The following URM1 variants were observed in gnomAD, a reference collection of about 807,000 sequenced individuals.
URM1 encodes the protein ubiquitin-related modifier 1.
A neutral mutation model predicts 17.7 loss-of-function variants in URM1; 11 were observed. That is an observed-to-expected ratio of 0.62 (90% CI 0.39 to 1.03). URM1 has a LOEUF of 1.03. Among genes scored for constraint, URM1 ranks in the 50% least tolerant of loss-of-function variants. The pLI, the probability that URM1 is intolerant of heterozygous loss-of-function variation, is 0.00. For missense variants in URM1, 128 were observed against 129.2 expected (o/e 0.99, Z 0.04); for synonymous variants, 48 against 50.6 (o/e 0.95, Z 0.22).
intron 2 of URM1, among the ~76,000 whole-genome samples, chr9:128,384,717 T>C (rs1833204247): frequency 6.6e-6 from 1 of 152,144 alleles, no homozygotes; most frequent in African/African-American, 2.4e-5. Flanking sequence ...GAGAGCTTTG[T>C]ATATATCGTC....
chr9:128,388,218 G>A, intron 3 of URM1: 1 of 1,167,218 alleles, frequency 8.6e-7, no homozygotes, highest in Non-Finnish European at 1.1e-6. Context: ...CACAGAAAGT[G>A]CTGAGGAAAA....
chr9:128,378,089 C>A lies in URM1; in HGVS notation c.89C>A (p.Pro30His), dbSNP rs749238318. ...ATTAAGAAACATCGAGTCACTTTGC[C>A]TGGACAGGAGGAACCCTGTGAGTAT... ...DGIKKHRVTL[P>H]GQEEPWDIRN... Residue 30 changes from proline (P) to histidine (H), a missense_variant, in exon 2 of 5, where the codon CCT becomes CAT. By Grantham distance (77) the Pro-to-His change is moderately conservative (BLOSUM62 -2). Transcript: ENST00000372853. The A allele has an allele frequency of 1.9e-6, 3 of 1,610,038 alleles. No homozygotes were observed. The African/African-American group carries it at 4.0e-5, about 22-fold the overall frequency.
At chr9:128,381,336 G>T (rs1833157273) in intron 2 of URM1, among the ~76,000 whole-genome samples, 2 of 152,184 alleles carry the variant, frequency 1.3e-5, no homozygotes, top group Admixed American at 1.3e-4. Context: ...TTAGTAACTG[G>T]CATGAGGAGA....
intron 2 of URM1, among the ~76,000 whole-genome samples, chr9:128,384,906 C>T (rs981982323): frequency 6.6e-6 from 1 of 152,160 alleles, no homozygotes; most frequent in Non-Finnish European, 1.5e-5. Flanking sequence ...TTCCTCCCTC[C>T]TTCCCTCCCT....
chr9:128,372,503 G>A (rs1833026358), intron 1 of URM1, among the ~76,000 whole-genome samples: 1 of 152,162 alleles, frequency 6.6e-6, no homozygotes, highest in African/African-American at 2.4e-5. Flanking sequence ...CAGACACTGA[G>A]GATACAAAGA....
intron 2 of URM1, among the ~76,000 whole-genome samples, chr9:128,385,920 G>A (rs1771217493): frequency 6.6e-6 from 1 of 152,172 alleles, no homozygotes; most frequent in African/African-American, 2.4e-5. Flanking sequence ...GCAAATAGGA[G>A]CATCATGATA....
At chr9:128,380,709 C>T (rs977271298) in intron 2 of URM1, among the ~76,000 whole-genome samples, 2 of 150,616 alleles carry the variant, frequency 1.3e-5, no homozygotes, top group South Asian at 2.1e-4. Flanking sequence ...AGTCTCAGCG[C>T]GCTGCAACCC....
chr9:128,389,796 G>A lies in URM1; in HGVS notation c.*62G>A. The A allele has an allele frequency of 6.2e-7, 1 of 1,606,322 alleles. No individual in the cohort carries two copies. Among genetic ancestry groups the A allele is most frequent in the South Asian group, 1.1e-5 (1 of 90,406 alleles). Reference sequence around the variant, plus strand: ...GAACGAAGCAATCAGACATCCCCTTGGGCCCTGCTTCCAGGTCTCCCTGTC... The same window carrying A: ...GAACGAAGCAATCAGACATCCCCTTAGGCCCTGCTTCCAGGTCTCCCTGTC... On this transcript the variant is annotated 3_prime_UTR_variant, in exon 5 of 5. Coordinates refer to ENST00000372853, the MANE Select transcript of URM1 (RefSeq NM_030914.4).
intron 2 of URM1, among the ~76,000 whole-genome samples, chr9:128,380,191 T>C (rs1301472547): frequency 6.6e-6 from 1 of 152,204 alleles, no homozygotes; most frequent in Admixed American, 6.5e-5. Flanking sequence ...GGCAGGATTC[T>C]TCTGGAACTG....
intron 4 of URM1, 88 bp downstream of exon 4, chr9:128,389,397 G>C (rs764009253): frequency 6.2e-7 from 1 of 1,612,326 alleles, no homozygotes; most frequent in Non-Finnish European, 8.5e-7. Flanking sequence ...GGCACATATA[G>C]AGTGGCTGGG....
chr9:128,386,144 CCTT>C (rs1255824082), intron 2 of URM1, among the ~76,000 whole-genome samples: 1 of 152,210 alleles, frequency 6.6e-6, no homozygotes, highest in African/African-American at 2.4e-5. Context: ...ACTGCCCAGA[CCTT>C]CTCGCCGCCT....
At position 128,389,288 on chromosome 9, in the gene URM1, C is replaced by T. The variant is rs754564470; in HGVS notation, c.216C>T (p.Asn72=). The change falls in exon 4 of 5, where the codon AAC becomes AAT. Residue 72 remains asparagine (N), a synonymous_variant. Transcript: ENST00000372853. Reference sequence around the variant, plus strand: ...GGCCAGGAATTCTGGTGCTGATTAACGATGCCGACTGGGAGCTACTGGTCA... The same window carrying T: ...GGCCAGGAATTCTGGTGCTGATTAATGATGCCGACTGGGAGCTACTGGTCA... ...SVRPGILVLI[N]DADWELLGEL... 1.2e-4 allele frequency: 198 copies of T among 1,607,604 alleles called. 1 individual carries two copies. The highest frequency in any genetic ancestry group is 1.6e-4 in the Non-Finnish European group (186 of 1,175,812).
Position 128,387,776 on chromosome 9 carries a change from T to C in URM1, c.107-40T>C, listed in dbSNP as rs762320875. The C allele has an allele frequency of 1.7e-5, 28 of 1,613,314 alleles. No homozygotes were observed. Among genetic ancestry groups the C allele is most frequent in the Non-Finnish European group, 2.3e-5 (27 of 1,179,394 alleles). On this transcript the variant is annotated intron_variant, in intron 2 of 4. Transcript: ENST00000372853. The surrounding 1 kb of genome is among the most constrained non-coding windows in gnomAD (Gnocchi z 4.3). ...GGCTCTGGGGGTGGGCAGGTGCTATTTGGGTTTGACAAGAGTTTGTTCTGT... is the reference window on the plus strand; with the variant it reads ...GGCTCTGGGGGTGGGCAGGTGCTATCTGGGTTTGACAAGAGTTTGTTCTGT...
chr9:128,376,055 G>T (rs2131289891), intron 1 of URM1, among the ~76,000 whole-genome samples: 1 of 150,748 alleles, frequency 6.6e-6, no homozygotes, highest in Non-Finnish European at 1.5e-5. Flanking sequence ...TTGGGTACTT[G>T]ATTTTTTTTT....
intron 2 of URM1, 97 bp downstream of exon 2, chr9:128,378,203 C>T (rs1222589619): frequency 1.7e-5 from 14 of 830,964 alleles, no homozygotes; most frequent in Admixed American, 1.1e-4. Flanking sequence ...GTTCTGCATC[C>T]GTGTGCTAAG....
rs1288354197 is a variant in URM1, at chr9:128,387,663, T to G, written c.107-153T>G. Among the ~76,000 whole-genome samples the G allele has an allele frequency of 6.6e-6, 1 of 152,198 alleles. No homozygotes were observed. The highest frequency in any genetic ancestry group is 1.5e-5 in the Non-Finnish European group (1 of 68,044). ...GCCTGTCCTAACCTGTTTCCTCACCTTTGGAATCTACAAGTTCATGGGCTA... is the reference window on the plus strand; with the variant it reads ...GCCTGTCCTAACCTGTTTCCTCACCGTTGGAATCTACAAGTTCATGGGCTA... On this transcript the variant is annotated intron_variant, in intron 2 of 4. Transcript: ENST00000372853. This position sits in a 1 kb window ranked among gnomAD's most constrained non-coding sequence, Gnocchi z 4.3.
At chr9:128,381,563 G>A (rs561898506) in intron 2 of URM1, among the ~76,000 whole-genome samples, 1 of 152,212 alleles carries the variant, frequency 6.6e-6, no homozygotes, top group African/African-American at 2.4e-5. Flanking sequence ...GGGCATGGTG[G>A]TGGGCACCTG....
At position 128,374,551 on chromosome 9, in the gene URM1, G is replaced by A. The variant is rs984713423; in HGVS notation, c.35+3136G>A. Among the ~76,000 whole-genome samples, 21 of 152,182 alleles carry A rather than the reference G, an allele frequency of 1.4e-4. No homozygotes were observed. The Middle Eastern group carries it at 0.01, about 74-fold the overall frequency. ...TTGCAGCTGAAATGGCCCTGTGCGC[G>A]GCCACAGATGGGCCTCCTCTCCCCC... On this transcript the variant is annotated intron_variant, in intron 1 of 4. Transcript: ENST00000372853.
chr9:128,378,361 A>C (rs1020648496), intron 2 of URM1, among the ~76,000 whole-genome samples: 1 of 151,680 alleles, frequency 6.6e-6, no homozygotes, highest in Non-Finnish European at 1.5e-5. Flanking sequence ...ACATGGTGAA[A>C]TCCTGTCTCT....
Sources: allele counts gnomAD v4.1 joint callset (sites outside exome capture counted in the v4.1 genomes callset), GRCh38; gene constraint gnomAD v4.1.1; non-coding constraint Gnocchi (gnomAD v3.1); transcripts MANE v1.5; gene names NCBI Gene and HGNC (gene_info 2026-07-23, HGNC 2026-07-21).